CYP3A5: variants seen among roughly 807,000 people sequenced by gnomAD.
CYP3A5 encodes cytochrome P450 3A5.
CYP3A5 carries 51 observed loss-of-function variants against 55.9 expected under a neutral mutation model. That is an observed-to-expected ratio of 0.91 (90% CI 0.73 to 1.15). CYP3A5 has a LOEUF of 1.15. CYP3A5 is among the 50% of genes most tolerant of loss of function. CYP3A5 has a pLI of 0.00. For missense variants in CYP3A5, 533 were observed against 596.6 expected (o/e 0.89, Z 1.11); for synonymous variants, 196 against 213.9 (o/e 0.92, Z 0.73).
At chr7:99,658,888 T>C (rs1160007797) in intron 10 of CYP3A5, 1 of 152,260 alleles carries the variant, frequency 6.6e-6, no homozygotes, top group Non-Finnish European at 1.5e-5. Flanking sequence ...TACTGAGGCT[T>C]GTGCATTCAT....
At chr7:99,663,223 G>T (rs1456306084) in intron 8 of CYP3A5, 2 of 1,064,678 alleles carry the variant, frequency 1.9e-6, no homozygotes, top group Admixed American at 9.6e-5. Context: ...AGAAGTACTG[G>T]ATCTTTTATT....
chr7:99,676,756 C>T (rs927666517), intron 1 of CYP3A5, among the ~76,000 whole-genome samples: 10 of 152,160 alleles, frequency 6.6e-5, no homozygotes, highest in African/African-American at 2.4e-4. Flanking sequence ...TAGGATCTAG[C>T]CCTTCTTAAA....
At chr7:99,651,612 TC>T (rs1809199560) in intron 11 of CYP3A5, among the ~76,000 whole-genome samples, 1 of 152,142 alleles carries the variant, frequency 6.6e-6, no homozygotes, top group African/African-American at 2.4e-5. Flanking sequence ...AAGACAAGGT[TC>T]CTCCCATCAG....
At chr7:99,651,469 G>T (rs902808314) in intron 11 of CYP3A5, among the ~76,000 whole-genome samples, 2 of 152,060 alleles carry the variant, frequency 1.3e-5, no homozygotes, top group Admixed American at 6.6e-5. Flanking sequence ...CACAGGAGGT[G>T]GAAGTGCTGA....
chr7:99,676,402 G>A (rs1404589808), intron 1 of CYP3A5, 194 bp from the exon 2 acceptor site: 13 of 1,508,882 alleles, frequency 8.6e-6, no homozygotes, highest in South Asian at 2.2e-5. Context: ...CCCCTGAAAA[G>A]TCTCAATGAT....
chr7:99,670,431 A>G (rs558729858), intron 4 of CYP3A5, among the ~76,000 whole-genome samples: 15 of 152,352 alleles, frequency 9.8e-5, no homozygotes, highest in Admixed American at 7.8e-4. Flanking sequence ...TCCTGTGAAC[A>G]GCCAAAAATA....
intron 1 of CYP3A5, 136 bp from the exon 2 acceptor site, chr7:99,676,344 A>C: frequency 6.5e-7 from 1 of 1,547,296 alleles, no homozygotes. Context: ...CAACTCCAAC[A>C]TCAGTAATTG....
rs1276300317 is a variant in CYP3A5 at position 99,679,874 on chromosome 7, GC to G, written c.22del (p.Ala8ArgfsTer82). MDLIPNL[A>X]VETWLLLAVS... The stretch of plus-strand genomic sequence containing the variant: ...AGCCAGGAGAAGCCAGGTTTCCACC[GC>G]CAAATTTGGGATGAGGTCCATCGCC... On this transcript the variant is annotated frameshift_variant, in exon 1 of 13. Transcript: ENST00000222982. LOFTEE classifies it high-confidence loss of function. 1.9e-6 allele frequency: 3 copies of G among 1,613,896 alleles called. No individual in the cohort carries two copies.
chr7:99,667,721 T>C (rs1811179714), intron 4 of CYP3A5, among the ~76,000 whole-genome samples: 1 of 152,228 alleles, frequency 6.6e-6, no homozygotes, highest in African/African-American at 2.4e-5. Flanking sequence ...CAACTATGTT[T>C]TGTTTTAAAA....
At position 99,663,111 on chromosome 7, in the gene CYP3A5, C is replaced by T. The variant is rs28365086; in HGVS notation, c.799-229G>A. 3,216 of 1,240,310 alleles carry T rather than the reference C, an allele frequency of 2.6e-3. 64 individuals are homozygous for T. The African/African-American group carries it at 0.044, about 17-fold the overall frequency. The allele number at this position is 1,240,310 out of a possible 1,614,324, so 76.8% of individuals were successfully genotyped here. A position where few individuals can be genotyped will look rare whatever the true frequency, so the allele number is the denominator to read the frequency against. On this transcript the variant is annotated intron_variant, in intron 8 of 12. Coordinates refer to ENST00000222982, the MANE Select transcript of CYP3A5 (RefSeq NM_000777.5). ...TAGCTATCATGTCCAATTGCTTTTTCGCCTTTGCCCTCCCTGTTTCTCATC... is the reference window on the plus strand; with the variant it reads ...TAGCTATCATGTCCAATTGCTTTTTTGCCTTTGCCCTCCCTGTTTCTCATC...
intron 10 of CYP3A5, chr7:99,660,213 CCTTT>C: frequency 1.5e-6 from 1 of 653,722 alleles, no homozygotes; most frequent in Non-Finnish European, 1.8e-6. Context: ...TCGCCACACT[CCTTT>C]TTTTTTTTTT....
At chr7:99,667,684 A>T (rs537840674) in intron 4 of CYP3A5, among the ~76,000 whole-genome samples, 1 of 152,256 alleles carries the variant, frequency 6.6e-6, no homozygotes, top group African/African-American at 2.4e-5. Context: ...TCAAGCCAGC[A>T]TGCTTGGAAC....
chr7:99,679,395 A>G (rs1428215107), intron 1 of CYP3A5, among the ~76,000 whole-genome samples: 2 of 152,132 alleles, frequency 1.3e-5, no homozygotes, highest in Non-Finnish European at 2.9e-5. Flanking sequence ...TCCAGCAGAC[A>G]CAGAACCCAG....
chr7:99,648,677 T>A (rs1045940580), intron 12 of CYP3A5, among the ~76,000 whole-genome samples: 2 of 151,802 alleles, frequency 1.3e-5, no homozygotes, highest in Admixed American at 6.6e-5. Context: ...TTTTTTTTTT[T>A]ATTTAAATCT....
chr7:99,678,689 A>C (rs2151466529), intron 1 of CYP3A5, among the ~76,000 whole-genome samples: 1 of 152,330 alleles, frequency 6.6e-6, no homozygotes, highest in South Asian at 2.1e-4. Flanking sequence ...AAAATGAATG[A>C]ATTTAAACCA....
intron 3 of CYP3A5, 82 bp from the exon 4 acceptor site, chr7:99,672,761 T>C (rs1200076310): frequency 6.2e-7 from 1 of 1,601,994 alleles, no homozygotes. Context: ...CAGACTTTGA[T>C]CATTATGTTA....
chr7:99,678,490 A>G (rs1812510363), intron 1 of CYP3A5, among the ~76,000 whole-genome samples: 1 of 152,228 alleles, frequency 6.6e-6, no homozygotes, highest in Non-Finnish European at 1.5e-5. Flanking sequence ...CCGGACAGGT[A>G]TATTTGAAAA....
At position 99,663,279 on chromosome 7, in the gene CYP3A5, A is replaced by G. The variant is rs1344620349; in HGVS notation, c.799-397T>C. 5 of 1,002,598 alleles carry G rather than the reference A, an allele frequency of 5.0e-6. No individual in the cohort carries two copies. The African/African-American group carries it at 8.7e-5, about 17-fold the overall frequency. 62.1% of individuals were successfully genotyped at this position (1,002,598 alleles called of 1,614,324 possible). A position where few individuals can be genotyped will look rare whatever the true frequency, so the allele number is the denominator to read the frequency against. On this transcript the variant is annotated intron_variant, in intron 8 of 12. Transcript: ENST00000222982. ...AGTGTCCGTATAGATTAATCTCCTG[A>G]CATTTCCAGAACTCATCAGCAGCTT... is the stretch of plus-strand genomic sequence containing the variant.
intron 1 of CYP3A5, among the ~76,000 whole-genome samples, chr7:99,678,895 A>G (rs543651650): frequency 3.3e-5 from 5 of 152,348 alleles, no homozygotes; most frequent in South Asian, 2.1e-4. Context: ...CCCACAGTGG[A>G]AAGTAACTCT....
Sources: allele counts gnomAD v4.1 joint callset (sites outside exome capture counted in the v4.1 genomes callset), GRCh38; gene constraint gnomAD v4.1.1; transcripts MANE v1.5; gene names NCBI Gene and HGNC (gene_info 2026-07-23, HGNC 2026-07-21).